Variants in ST6GALNAC3 observed in about 807,000 individuals in gnomAD.
ST6GALNAC3 encodes the protein ST6 N-acetylgalactosaminide alpha-2,6-sialyltransferase 3, also known as alpha-N-acetylgalactosaminide alpha-2,6-sialyltransferase 3.
A neutral mutation model predicts 32.7 loss-of-function variants in ST6GALNAC3; 25 were observed. The ratio of observed to expected loss-of-function variants is 0.76; its 90% CI spans 0.56 to 1.07. The LOEUF is 1.07. Ranked by LOEUF, ST6GALNAC3 falls within the 50% of genes least tolerant of loss-of-function variation. ST6GALNAC3 has a pLI of 0.00. For missense variants in ST6GALNAC3, 355 were observed against 382.4 expected (o/e 0.93, Z 0.60); for synonymous variants, 129 against 133.1 (o/e 0.97, Z 0.21).
downstream of ST6GALNAC3, among the ~76,000 whole-genome samples, chr1:76,636,581 C>T (rs1259486407): frequency 1.3e-5 from 2 of 152,110 alleles, no homozygotes; most frequent in Non-Finnish European, 2.9e-5. Flanking sequence ...CATCACAGGG[C>T]ATATTTCTAT....
At chr1:76,431,153 T>A (rs1655724947) in intron 3 of ST6GALNAC3, among the ~76,000 whole-genome samples, 1 of 152,080 alleles carries the variant, frequency 6.6e-6, no homozygotes, top group South Asian at 2.1e-4. Context: ...TAACTTTCCT[T>A]AGGGCTGCTA....
chr1:76,587,698 C>T (rs77562601), intron 3 of ST6GALNAC3, among the ~76,000 whole-genome samples: 5,134 of 152,262 alleles, frequency 0.034, 141 homozygotes, highest in Admixed American at 0.079. Context: ...GTTCTGGGCA[C>T]GTAATGGCTC....
At chr1:76,264,398 G>T (rs1658416358) in intron 1 of ST6GALNAC3, among the ~76,000 whole-genome samples, 1 of 152,068 alleles carries the variant, frequency 6.6e-6, no homozygotes, top group African/African-American at 2.4e-5. Flanking sequence ...GAAAATACTT[G>T]GGTTCACCAA....
In ST6GALNAC3 at chr1:76,462,810, A is replaced by G. The variant is rs575589702; in HGVS notation, c.623+50393A>G. ...GTGCAGCCATGTTTTAAGAAGGCCA[A>G]ATGCTGCAGGGATGCTCATTAGGGG... is the stretch of plus-strand genomic sequence containing the variant. On this transcript the variant is annotated intron_variant, in intron 3 of 4. Transcript: ENST00000328299. 2.0e-5 allele frequency among the ~76,000 whole-genome samples: 3 copies of G among 152,336 alleles called. No homozygotes were observed. The East Asian group carries it at 5.8e-4, about 29-fold the overall frequency.
intron 1 of ST6GALNAC3, among the ~76,000 whole-genome samples, chr1:76,294,651 C>G (rs925783276): frequency 6.6e-6 from 1 of 151,896 alleles, no homozygotes; most frequent in Non-Finnish European, 1.5e-5. Context: ...AAAAGGCAGT[C>G]AAGCAGAAAA....
intron 2 of ST6GALNAC3, among the ~76,000 whole-genome samples, chr1:76,359,061 G>C (rs1649721592): frequency 6.6e-6 from 1 of 152,138 alleles, no homozygotes; most frequent in African/African-American, 2.4e-5. Flanking sequence ...TGAGAGTAGG[G>C]TAGGAAGAAG....
At chr1:76,128,579 G>C (rs975458871) in intron 1 of ST6GALNAC3, among the ~76,000 whole-genome samples, 7 of 152,182 alleles carry the variant, frequency 4.6e-5, no homozygotes, top group Non-Finnish European at 1.0e-4. Context: ...CACATCCCCA[G>C]ACCTTCATCA....
At chr1:76,362,394 C>A (rs1428666534) in intron 2 of ST6GALNAC3, among the ~76,000 whole-genome samples, 1 of 152,186 alleles carries the variant, frequency 6.6e-6, no homozygotes, top group East Asian at 1.9e-4. Context: ...CAAACCATAT[C>A]ATTCCACCCC....
At chr1:76,385,211 A>T in intron 2 of ST6GALNAC3, among the ~76,000 whole-genome samples, 1 of 152,174 alleles carries the variant, frequency 6.6e-6, no homozygotes, top group Admixed American at 6.5e-5. Context: ...AAACAGAAGG[A>T]AATTTGGGGG....
intron 1 of ST6GALNAC3, among the ~76,000 whole-genome samples, chr1:76,186,192 CT>C (rs1284263575): frequency 6.6e-6 from 1 of 152,144 alleles, no homozygotes; most frequent in Non-Finnish European, 1.5e-5. Context: ...AGGATTGATT[CT>C]TAAGTGTGTG....
chr1:76,152,164 T>G (rs1442246003), intron 1 of ST6GALNAC3, among the ~76,000 whole-genome samples: 1 of 152,210 alleles, frequency 6.6e-6, no homozygotes. Context: ...TAAAGTCTCC[T>G]AGGAAGATCA....
chr1:76,486,170 C>T (rs539622186), intron 3 of ST6GALNAC3, among the ~76,000 whole-genome samples: 39 of 152,176 alleles, frequency 2.6e-4, no homozygotes, highest in Non-Finnish European at 1.8e-4. Flanking sequence ...GGAATAAGTG[C>T]GATGTGGTGA....
intron 3 of ST6GALNAC3, among the ~76,000 whole-genome samples, chr1:76,427,910 T>C (rs1055082750): frequency 2.4e-4 from 37 of 152,246 alleles, no homozygotes; most frequent in Middle Eastern, 3.4e-3. Context: ...GTAAGCTGCA[T>C]TCCTAAATGT....
chr1:76,350,647 C>T lies in ST6GALNAC3; in HGVS notation c.213+36648C>T, dbSNP rs184227470. 1.2e-3 allele frequency among the ~76,000 whole-genome samples: 187 copies of T among 152,196 alleles called. 1 individual carries two copies. Among genetic ancestry groups the T allele is most frequent in the Non-Finnish European group, 1.7e-3 (118 of 67,988 alleles). On this transcript the variant is annotated intron_variant, in intron 2 of 4. Transcript: ENST00000328299. ...AACTAAGACAAGTTGAAAATAAACA[C>T]ATTTTCTGGCTTCATAGATAAGCCT...
At chr1:76,257,533 G>T (rs1657988196) in intron 1 of ST6GALNAC3, among the ~76,000 whole-genome samples, 1 of 152,108 alleles carries the variant, frequency 6.6e-6, no homozygotes, top group African/African-American at 2.4e-5. Flanking sequence ...GTTTGGGCAG[G>T]CCTGATTTAT....
intron 2 of ST6GALNAC3, among the ~76,000 whole-genome samples, chr1:76,340,469 A>C (rs1405127723): frequency 3.3e-5 from 5 of 152,114 alleles, no homozygotes; most frequent in Non-Finnish European, 5.9e-5. Context: ...CTTTTCTGTC[A>C]TGGGGGCATA....
At chr1:76,181,347 G>A (rs1457026855) in intron 1 of ST6GALNAC3, among the ~76,000 whole-genome samples, 1 of 152,188 alleles carries the variant, frequency 6.6e-6, no homozygotes, top group East Asian at 1.9e-4. Flanking sequence ...AGTCTTGATT[G>A]CCTCTATTTT....
chr1:76,133,651 A>G (rs1649754765), intron 1 of ST6GALNAC3, among the ~76,000 whole-genome samples: 1 of 152,238 alleles, frequency 6.6e-6, no homozygotes, highest in African/African-American at 2.4e-5. Flanking sequence ...GACCGCAGTA[A>G]GTATCTTTGG....
downstream of ST6GALNAC3, among the ~76,000 whole-genome samples, chr1:76,635,882 G>C (rs779048318): frequency 1.3e-4 from 20 of 152,178 alleles, no homozygotes; most frequent in Non-Finnish European, 2.9e-4. Flanking sequence ...CTATTGGCCA[G>C]CCTCACTCGC....
Sources: gnomAD v4.1 joint callset for allele counts (sites outside exome capture counted in the v4.1 genomes callset) on GRCh38, gnomAD v4.1.1 for gene constraint, MANE v1.5 for transcripts, NCBI Gene and HGNC (gene_info 2026-07-23, HGNC 2026-07-21) for gene names.